The following PTPRN2 variants were observed in gnomAD, a reference collection of about 807,000 sequenced individuals.
The protein encoded by PTPRN2 is receptor-type tyrosine-protein phosphatase N2.
A neutral mutation model predicts 118.8 loss-of-function variants in PTPRN2; 74 were observed. The observed-to-expected ratio is 0.62, with a 90% CI of 0.52 to 0.76. PTPRN2 has a LOEUF of 0.76. PTPRN2 is among the 30% of genes least tolerant of loss of function. The pLI, the probability that PTPRN2 is intolerant of heterozygous loss-of-function variation, is 0.00. For synonymous variants in PTPRN2, 641 were observed against 608.0 expected (o/e 1.05, Z -0.80); for missense variants, 1,481 against 1,394.4 (o/e 1.06, Z -0.99).
At chr7:157,613,020 G>A (rs541103023) in intron 15 of PTPRN2, among the ~76,000 whole-genome samples, 195 of 152,314 alleles carry the variant, frequency 1.3e-3, no homozygotes, top group Admixed American at 2.7e-3. Flanking sequence ...CCTGAGGAGG[G>A]GCCGGGGTGC....
intron 3 of PTPRN2, among the ~76,000 whole-genome samples, chr7:158,239,860 G>A (rs1286430344): frequency 6.6e-6 from 1 of 152,212 alleles, no homozygotes; most frequent in African/African-American, 2.4e-5. Flanking sequence ...CCGGGGCACT[G>A]GAGGATGCTA....
At chr7:157,832,083 C>T (rs1485986302) in intron 12 of PTPRN2, among the ~76,000 whole-genome samples, 1 of 152,176 alleles carries the variant, frequency 6.6e-6, no homozygotes, top group Non-Finnish European at 1.5e-5. Context: ...GTGATGAATT[C>T]TTCAGCAGCG....
intron 3 of PTPRN2, among the ~76,000 whole-genome samples, chr7:158,238,728 T>C (rs1404359870): frequency 1.3e-5 from 2 of 151,966 alleles, no homozygotes; most frequent in Non-Finnish European, 2.9e-5. Flanking sequence ...TCATGACAGC[T>C]CAGCAGGATT....
intron 2 of PTPRN2, among the ~76,000 whole-genome samples, chr7:158,410,711 T>C (rs1300856502): frequency 6.6e-6 from 1 of 152,226 alleles, no homozygotes; most frequent in Non-Finnish European, 1.5e-5. Context: ...CAGACCTCAT[T>C]ATTGAAGGAC....
intron 2 of PTPRN2, among the ~76,000 whole-genome samples, chr7:158,480,551 T>C (rs1228757394): frequency 6.6e-6 from 1 of 152,184 alleles, no homozygotes; most frequent in African/African-American, 2.4e-5. Context: ...ATGATTAAAC[T>C]TAGTGAGGAA....
chr7:158,585,371 A>G (rs1440562886), intron 1 of PTPRN2, among the ~76,000 whole-genome samples: 1 of 152,182 alleles, frequency 6.6e-6, no homozygotes, highest in Non-Finnish European at 1.5e-5. Context: ...GCAGTTTCCA[A>G]TTACCTGAGA....
At position 157,580,977 on chromosome 7, in the gene PTPRN2, C is replaced by A. The variant is rs1443071258; in HGVS notation, c.2497-2837G>T. ...ACACCCCAGCACCTGCACACCGCAGCCCCTGCACACCCCAGCACCTGCACA... is the reference window on the plus strand; with the variant it reads ...ACACCCCAGCACCTGCACACCGCAGACCCTGCACACCCCAGCACCTGCACA... On this transcript the variant is annotated intron_variant, in intron 17 of 22. Transcript: ENST00000389418. Among the ~76,000 whole-genome samples the A allele has an allele frequency of 3.5e-5, 5 of 141,858 alleles. No homozygotes were observed. The Admixed American group carries it at 3.5e-4, about 10-fold the overall frequency. The allele number at this position is 141,858 out of a possible 152,430, so 93.1% of individuals were successfully genotyped here. A position where few individuals can be genotyped will look rare whatever the true frequency, so the allele number is the denominator to read the frequency against.
intron 5 of PTPRN2, among the ~76,000 whole-genome samples, chr7:158,177,449 T>C (rs920687449): frequency 3.3e-5 from 5 of 152,146 alleles, no homozygotes; most frequent in African/African-American, 1.2e-4. Context: ...TACTGAGATA[T>C]AATTGACATA....
intron 2 of PTPRN2, among the ~76,000 whole-genome samples, chr7:158,466,893 T>G (rs1450057297): frequency 6.6e-6 from 1 of 152,098 alleles, no homozygotes; most frequent in East Asian, 1.9e-4. Context: ...ATATAAAAAT[T>G]AGCTAGGCAT....
At chr7:158,407,494 G>C (rs78040331) in intron 2 of PTPRN2, among the ~76,000 whole-genome samples, 190 of 6,518 alleles carry the variant, frequency 0.029, 14 homozygotes, top group Middle Eastern at 0.071. Flanking sequence ...CTGGGTCCTG[G>C]GTCCTGCGTC....
intron 12 of PTPRN2, among the ~76,000 whole-genome samples, chr7:157,793,070 C>A (rs1310918876): frequency 6.6e-6 from 1 of 152,042 alleles, no homozygotes; most frequent in Non-Finnish European, 1.5e-5. Flanking sequence ...TGGGACCCCT[C>A]TACAATGCGC....
chr7:158,388,539 C>T (rs1365786949), intron 2 of PTPRN2, among the ~76,000 whole-genome samples: 10 of 152,248 alleles, frequency 6.6e-5, no homozygotes, highest in African/African-American at 1.7e-4. Context: ...GCAGGGCACA[C>T]GTCACACCTG....
intron 2 of PTPRN2, among the ~76,000 whole-genome samples, chr7:158,411,575 G>C (rs1814091555): frequency 6.6e-6 from 1 of 152,196 alleles, no homozygotes; most frequent in South Asian, 2.1e-4. Context: ...GGATCCCCCA[G>C]GTAACACAGC....
intron 12 of PTPRN2, chr7:157,862,745 G>A (rs1003539789): frequency 6.6e-6 from 1 of 150,748 alleles, no homozygotes; most frequent in African/African-American, 2.5e-5. Context: ...GGCCTGCAAC[G>A]CCTTTAGAGG....
At chr7:157,704,488 C>T (rs1585270230) in intron 12 of PTPRN2, among the ~76,000 whole-genome samples, 1 of 152,168 alleles carries the variant, frequency 6.6e-6, no homozygotes, top group East Asian at 1.9e-4. Flanking sequence ...TGCAAGAGAC[C>T]ACGTGTGTGT....
rs1801269728 is a variant in PTPRN2, at chr7:158,452,337, G to A, written c.163+37398C>T. ...ACTTACATGTATAGGTTTATTCAGA[G>A]AGAATTCATATCCTTACAGAATTAA... On this transcript the variant is annotated intron_variant, in intron 2 of 22. Coordinates refer to ENST00000389418, the MANE Select transcript of PTPRN2 (RefSeq NM_002847.5). 2.0e-5 allele frequency among the ~76,000 whole-genome samples: 3 copies of A among 152,216 alleles called. No individual in the cohort carries two copies. In the South Asian group the frequency reaches 6.2e-4, roughly 32 times the overall value.
intron 1 of PTPRN2, among the ~76,000 whole-genome samples, chr7:158,498,554 C>G (rs557423705): frequency 9.2e-5 from 14 of 152,312 alleles, no homozygotes; most frequent in African/African-American, 2.6e-4. Flanking sequence ...TTAATCAGCT[C>G]TTGGTTTTTA....
rs1800600340 is a variant in PTPRN2 at position 157,585,045 on chromosome 7, T to C, written c.2497-6905A>G. Among the ~76,000 whole-genome samples, 1 of 152,078 alleles carries C rather than the reference T, an allele frequency of 6.6e-6. No homozygotes were observed. The highest frequency in any genetic ancestry group is 1.5e-5 in the Non-Finnish European group (1 of 68,018). ...CAGCTCATGGTGCACCTACCTGGCT[T>C]TTTTTTAGTAAACAAATATCTCAGT... On this transcript the variant is annotated intron_variant, in intron 17 of 22. Coordinates refer to ENST00000389418, the MANE Select transcript of PTPRN2 (RefSeq NM_002847.5). This position sits in a 1 kb window ranked among gnomAD's most constrained non-coding sequence, Gnocchi z 5.2.
intron 6 of PTPRN2, among the ~76,000 whole-genome samples, chr7:158,146,902 T>A (rs114318231): frequency 0.045 from 6,688 of 148,078 alleles, 844 homozygotes; most frequent in African/African-American, 0.16. Context: ...ATTAAGATCC[T>A]GTGAAGAGAC....
Sources: gnomAD v4.1 joint callset for allele counts (sites outside exome capture counted in the v4.1 genomes callset) on GRCh38, gnomAD v4.1.1 for gene constraint, Gnocchi (gnomAD v3.1) non-coding constraint, MANE v1.5 for transcripts, NCBI Gene and HGNC (gene_info 2026-07-23, HGNC 2026-07-21) for gene names.